Variants in HTR1F observed in about 807,000 individuals in gnomAD.
HTR1F encodes 5-hydroxytryptamine (serotonin) receptor 1F, G protein-coupled.
A neutral mutation model predicts 24.0 loss-of-function variants in HTR1F; 17 were observed. The observed-to-expected ratio is 0.71, with a 90% CI of 0.48 to 1.06. HTR1F has a LOEUF of 1.06. Among genes scored for constraint, HTR1F ranks in the 50% least tolerant of loss-of-function variants. HTR1F has a pLI of 0.00. For synonymous variants in HTR1F, 186 were observed against 156.8 expected, an observed-to-expected ratio of 1.19 and a Z score of -1.39; for missense variants, 391 against 427.8, an observed-to-expected ratio of 0.91 and a Z score of 0.76.
intron 2 of HTR1F, among the ~76,000 whole-genome samples, chr3:87,894,635 C>G (rs1338429356): frequency 3.9e-5 from 5 of 128,900 alleles, no homozygotes; most frequent in Non-Finnish European, 6.2e-5. Context: ...GCCTCATTTT[C>G]AAAATAAAAG....
intron 1 of HTR1F, among the ~76,000 whole-genome samples, chr3:87,810,520 A>G (rs992296486): frequency 1.1e-4 from 17 of 152,120 alleles, no homozygotes; most frequent in African/African-American, 4.1e-4. Context: ...GATGTGGCAG[A>G]CTGAATCAGC....
At position 87,844,085 on chromosome 3, in the gene HTR1F, T is replaced by C. The variant is rs576031698; in HGVS notation, c.-43+21961T>C. Among the ~76,000 whole-genome samples, 9 of 149,518 alleles carry C rather than the reference T, an allele frequency of 6.0e-5. No homozygotes were observed. The South Asian group carries it at 1.3e-3, about 21-fold the overall frequency. ...GTCAAATGGTATTTCTAGTTCTAGA[T>C]CCCTGAGGAATCGCCACACTGACTT... is the stretch of plus-strand genomic sequence containing the variant. On this transcript the variant is annotated intron_variant, in intron 2 of 2. Transcript: ENST00000319595.
intron 2 of HTR1F, among the ~76,000 whole-genome samples, chr3:87,872,567 A>T (rs1300843665): frequency 6.6e-6 from 1 of 152,028 alleles, no homozygotes; most frequent in African/African-American, 2.4e-5. Context: ...AAAACCGAAT[A>T]ATAAAAATAA....
chr3:87,820,854 G>A (rs1466726427), intron 1 of HTR1F, among the ~76,000 whole-genome samples: 1 of 152,214 alleles, frequency 6.6e-6, no homozygotes, highest in South Asian at 2.1e-4. Context: ...GTAAAGTTCT[G>A]CATGACTATT....
At chr3:87,976,885 T>C (rs73142911) in intron 2 of HTR1F, among the ~76,000 whole-genome samples, 2,004 of 152,334 alleles carry the variant, frequency 0.013, 21 homozygotes, top group Non-Finnish European at 0.021. Context: ...TTATATCCAA[T>C]GTCACTATGG....
At chr3:87,946,909 G>A (rs1056883800) in intron 2 of HTR1F, among the ~76,000 whole-genome samples, 1 of 152,164 alleles carries the variant, frequency 6.6e-6, no homozygotes, top group Non-Finnish European at 1.5e-5. Flanking sequence ...ACAGGCATGA[G>A]CCACCACGCC....
At chr3:87,940,109 A>G (rs1265191327) in intron 2 of HTR1F, among the ~76,000 whole-genome samples, 3 of 152,052 alleles carry the variant, frequency 2.0e-5, no homozygotes, top group African/African-American at 7.2e-5. Context: ...TTCTGCCTTA[A>G]TTTTGTTATT....
Position 87,990,864 on chromosome 3 carries a change from A to G in HTR1F, c.115A>G (p.Thr39Ala). 1 of 1,614,202 alleles carries G rather than the reference A, an allele frequency of 6.2e-7. No individual in the cohort carries two copies. Among genetic ancestry groups the G allele is most frequent in the Non-Finnish European group, 8.5e-7 (1 of 1,180,028 alleles). ...TLSGLALMTT[T>A]INSLVIAAII... Reference sequence around the variant, plus strand: ...GTCTGGGCTGGCACTGATGACAACAACTATCAACTCCCTTGTGATCGCTGC... The same window carrying G: ...GTCTGGGCTGGCACTGATGACAACAGCTATCAACTCCCTTGTGATCGCTGC... The change falls in exon 3 of 3, where the codon ACT (threonine) becomes GCT (alanine). Residue 39 changes from threonine (T) to alanine (A), a missense_variant. By Grantham distance (58) the Thr-to-Ala change is moderately conservative. Transcript: ENST00000319595.
intron 2 of HTR1F, among the ~76,000 whole-genome samples, chr3:87,832,679 G>A (rs1370227532): frequency 2.0e-5 from 3 of 152,174 alleles, no homozygotes; most frequent in African/African-American, 7.2e-5. Context: ...GTTCACAAAT[G>A]AATTCGTGAA....
intron 1 of HTR1F, among the ~76,000 whole-genome samples, chr3:87,813,919 C>T (rs1356381488): frequency 6.6e-6 from 1 of 151,784 alleles, no homozygotes; most frequent in Non-Finnish European, 1.5e-5. Flanking sequence ...ATCAATTAAA[C>T]CTCTTTTTTT....
At chr3:87,882,451 C>T (rs899738163) in intron 2 of HTR1F, among the ~76,000 whole-genome samples, 31 of 151,976 alleles carry the variant, frequency 2.0e-4, no homozygotes, top group Admixed American at 4.6e-4. Context: ...AGACTTGGAA[C>T]CAACCCAAAT....
intron 1 of HTR1F, among the ~76,000 whole-genome samples, chr3:87,800,802 T>G (rs927541241): frequency 6.6e-6 from 1 of 152,212 alleles, no homozygotes; most frequent in Non-Finnish European, 1.5e-5. Context: ...ATTGTCTTTC[T>G]TGGTTCATTG....
intron 2 of HTR1F, among the ~76,000 whole-genome samples, chr3:87,926,509 G>T (rs779480499): frequency 6.6e-6 from 1 of 152,006 alleles, no homozygotes. Context: ...ATGAGATATT[G>T]TTCATTAATC....
intron 2 of HTR1F, among the ~76,000 whole-genome samples, chr3:87,887,130 A>G (rs1443885318): frequency 1.3e-5 from 2 of 152,178 alleles, no homozygotes; most frequent in Admixed American, 6.5e-5. Context: ...AAACAAACAT[A>G]CAGACCAATG....
chr3:87,922,379 G>C (rs1055879363), intron 2 of HTR1F, among the ~76,000 whole-genome samples: 2 of 150,486 alleles, frequency 1.3e-5, no homozygotes, highest in African/African-American at 4.9e-5. Flanking sequence ...TTTTTCTTTT[G>C]AGTTGTTTAG....
intron 2 of HTR1F, among the ~76,000 whole-genome samples, chr3:87,927,834 A>G (rs1246333599): frequency 2.0e-5 from 3 of 152,190 alleles, no homozygotes; most frequent in Non-Finnish European, 4.4e-5. Flanking sequence ...CACAGGGAAC[A>G]GTACATAAAT....
At chr3:87,943,709 A>G (rs926175645) in intron 2 of HTR1F, among the ~76,000 whole-genome samples, 26 of 152,236 alleles carry the variant, frequency 1.7e-4, no homozygotes, top group African/African-American at 6.3e-4. Flanking sequence ...ACTTCAATCC[A>G]TTTGCCTTCT....
chr3:87,991,131 G>T lies in HTR1F; in HGVS notation c.382G>T (p.Ala128Ser). 6.2e-7 allele frequency: 1 copy of T among 1,614,048 alleles called. No homozygotes were observed. Among genetic ancestry groups the T allele is most frequent in the Non-Finnish European group, 8.5e-7 (1 of 1,180,036 alleles). The change falls in exon 3 of 3, where the codon GCT becomes TCT. Residue 128 changes from alanine (A) to serine (S), a missense_variant. By Grantham distance (99) the Ala-to-Ser change is moderately conservative. Transcript: ENST00000319595. ...ALDRYRAITD[A>S]VEYARKRTPK... ...GGATCGGTATCGAGCAATCACAGAT[G>T]CTGTTGAGTATGCCAGGAAAAGGAC...
At chr3:87,846,131 A>G (rs1259127234) in intron 2 of HTR1F, among the ~76,000 whole-genome samples, 3 of 152,000 alleles carry the variant, frequency 2.0e-5, no homozygotes, top group African/African-American at 4.8e-5. Flanking sequence ...ATAGTTATAT[A>G]AAACTATAAA....
Sources: allele counts gnomAD v4.1 joint callset (sites outside exome capture counted in the v4.1 genomes callset), GRCh38; gene constraint gnomAD v4.1.1; transcripts MANE v1.5; gene names NCBI Gene and HGNC (gene_info 2026-07-23, HGNC 2026-07-21).